The following CNOT9 variants were observed in gnomAD, a reference collection of about 807,000 sequenced individuals.
CNOT9 encodes the protein RCD1 required for cell differentiation1 homolog.
In CNOT9, 8 loss-of-function variants were observed where a neutral mutation model predicts 37.4. The ratio of observed to expected loss-of-function variants is 0.21; its 90% CI spans 0.13 to 0.39. The LOEUF (loss-of-function observed/expected upper bound fraction) is 0.39. CNOT9 is among the 10% of genes least tolerant of loss of function. The pLI is 1.00. For synonymous variants in CNOT9, 120 were observed against 137.6 expected (o/e 0.87, Z 0.90); for missense variants, 154 against 365.3 (o/e 0.42, Z 4.71).
At chr2:218,590,826 G>GT (rs1301754414) in intron 5 of CNOT9, among the ~76,000 whole-genome samples, 1 of 146,434 alleles carries the variant, frequency 6.8e-6, no homozygotes, top group South Asian at 2.2e-4. Flanking sequence ...TTGTTGTTTT[G>GT]TTTGTTTGTT....
At chr2:218,581,267 G>C (rs586296) in intron 2 of CNOT9, among the ~76,000 whole-genome samples, 150,248 of 150,584 alleles carry the variant, frequency 1, 74,957 homozygotes, top group Middle Eastern at 1. Context: ...CTCCCGGGTT[G>C]AAGTGGTTCT....
At chr2:218,591,269 CTAATT>C (rs79740704) in intron 5 of CNOT9, among the ~76,000 whole-genome samples, 2 of 152,056 alleles carry the variant, frequency 1.3e-5, no homozygotes, top group Non-Finnish European at 1.5e-5. Context: ...TCGTGATTGT[CTAATT>C]TAAATTAAAC....
At chr2:218,577,904 TC>T (rs1157964803) in intron 1 of CNOT9, among the ~76,000 whole-genome samples, 1 of 152,220 alleles carries the variant, frequency 6.6e-6, no homozygotes, top group Non-Finnish European at 1.5e-5. Flanking sequence ...TGTGGGGTCA[TC>T]CAAGAGACTG....
chr2:218,572,496 G>A (rs779370690), intron 1 of CNOT9: 7 of 157,630 alleles, frequency 4.4e-5, no homozygotes, highest in Non-Finnish European at 8.2e-5. Context: ...ACTTGAGGCC[G>A]GGAGTTCAAG....
At position 218,596,717 on chromosome 2, in the gene CNOT9, T is replaced by C. The variant is rs548906766; in HGVS notation, c.*2441T>C. ...TGGGACAGAACTTCACTCCTGGCCA[T>C]ATTGGCCAGAACTTAGTGCCAGTGT... is the stretch of plus-strand genomic sequence containing the variant. On this transcript the variant is annotated 3_prime_UTR_variant, in exon 8 of 8. Coordinates refer to ENST00000273064, the MANE Select transcript of CNOT9 (RefSeq NM_005444.3). 1.3e-5 allele frequency: 2 copies of C among 152,342 alleles called. No homozygotes were observed. The highest frequency in any genetic ancestry group is 3.9e-4 in the East Asian group (2 of 5,188). 9.4% of individuals were successfully genotyped at this position (152,342 alleles called of 1,614,324 possible).
chr2:218,569,528 G>A (rs1306703970), intron 1 of CNOT9, among the ~76,000 whole-genome samples: 1 of 152,186 alleles, frequency 6.6e-6, no homozygotes, highest in Admixed American at 6.5e-5. Flanking sequence ...TAACAAAAAA[G>A]AAAGATAGTG....
intron 1 of CNOT9, 125 bp from the exon 2 acceptor site, chr2:218,580,436 T>C: frequency 1.4e-6 from 1 of 698,668 alleles, no homozygotes; most frequent in Non-Finnish European, 2.3e-6. Context: ...TGACATCAAA[T>C]GTATGTATTT....
intron 4 of CNOT9, among the ~76,000 whole-genome samples, chr2:218,585,844 G>C (rs1694576884): frequency 6.6e-6 from 1 of 151,644 alleles, no homozygotes; most frequent in East Asian, 1.9e-4. Context: ...CTCACTTTTT[G>C]TTGCCCAGGC....
At position 218,596,330 on chromosome 2, in the gene CNOT9, G is replaced by C. The variant is rs1332381182; in HGVS notation, c.*2054G>C. The C allele has an allele frequency of 6.6e-6, 1 of 152,072 alleles. No homozygotes were observed. Among genetic ancestry groups the C allele is most frequent in the Non-Finnish European group, 1.5e-5 (1 of 68,018 alleles). The allele number at this position is 152,072 out of a possible 1,614,324, so 9.4% of individuals were successfully genotyped here. A position where few individuals can be genotyped will look rare whatever the true frequency, so the allele number is the denominator to read the frequency against. On this transcript the variant is annotated 3_prime_UTR_variant, in exon 8 of 8. Transcript: ENST00000273064. ...GTATTATTCATTGTAGTTGATCCTGGTGTGTGTATTATATAAAGAGACCCC... is the reference window on the plus strand; with the variant it reads ...GTATTATTCATTGTAGTTGATCCTGCTGTGTGTATTATATAAAGAGACCCC...
Position 218,580,600 on chromosome 2 carries a change from A to G in CNOT9, c.64A>G (p.Ile22Val). 1 of 1,613,894 alleles carries G rather than the reference A, an allele frequency of 6.2e-7. No homozygotes were observed. The highest frequency in any genetic ancestry group is 8.5e-7 in the Non-Finnish European group (1 of 1,179,820). The change falls in exon 2 of 8, where the codon ATC (isoleucine) becomes GTC (valine). Residue 22 changes from isoleucine to valine, a missense_variant. Transcript: ENST00000273064. The stretch of plus-strand genomic sequence containing the variant: ...ACTGGCACAAGTGGATAGAGAAAAG[A>G]TCTATCAGTGGATCAATGAGCTGTC... The part of the protein sequence containing the change: ...TTLAQVDREK[I>V]YQWINELSSP...
chr2:218,590,663 C>G (rs1187883280), intron 5 of CNOT9, among the ~76,000 whole-genome samples: 1 of 152,124 alleles, frequency 6.6e-6, no homozygotes, highest in East Asian at 1.9e-4. Flanking sequence ...TTTCTAGCTT[C>G]TAGAACTGCA....
At chr2:218,579,465 TAGTG>T (rs1383890824) in intron 1 of CNOT9, among the ~76,000 whole-genome samples, 8 of 152,164 alleles carry the variant, frequency 5.3e-5, no homozygotes, top group African/African-American at 1.9e-4. Context: ...ACCAGTCTCT[TAGTG>T]AGAGATACTT....
chr2:218,576,396 T>G (rs1463206466), intron 1 of CNOT9, among the ~76,000 whole-genome samples: 1 of 152,222 alleles, frequency 6.6e-6, no homozygotes, highest in Non-Finnish European at 1.5e-5. Flanking sequence ...ATGTGTGTGT[T>G]GGTGGTTCTC....
rs200077562 is a variant in CNOT9 at position 218,585,084 on chromosome 2, C to CTTCTT, written c.430+380_430+384dup. Among the ~76,000 whole-genome samples the CTTCTT allele has an allele frequency of 3.9e-4, 60 of 151,924 alleles. 1 individual carries two copies. The highest frequency in any genetic ancestry group is 2.9e-3 in the South Asian group (14 of 4,792). ...CCTCTTCCCTTCTCTCTTCTCTTCTCTTCTTTTCTTTTCTTTTCTTTCTGA... is the reference window on the plus strand; with the variant it reads ...CCTCTTCCCTTCTCTCTTCTCTTCTCTTCTTTTCTTTTCTTTTCTTTTCTTTCTGA... On this transcript the variant is annotated intron_variant, in intron 4 of 7. Transcript: ENST00000273064.
At chr2:218,586,268 T>C (rs1195689792) in intron 4 of CNOT9, among the ~76,000 whole-genome samples, 1 of 152,154 alleles carries the variant, frequency 6.6e-6, no homozygotes, top group African/African-American at 2.4e-5. Context: ...CCCCCTCATG[T>C]CATGGTATTT....
rs201648255 is a variant in CNOT9, at chr2:218,580,586, T to G, written c.50T>G (p.Val17Gly). The G allele has an allele frequency of 3.1e-6, 5 of 1,613,582 alleles. No homozygotes were observed. The highest frequency in any genetic ancestry group is 4.2e-6 in the Non-Finnish European group (5 of 1,179,678). ...CCTGTGCCTACTACACTGGCACAAG[T>G]GGATAGAGAAAAGATCTATCAGTGG... ...AAPVPTTLAQ[V>G]DREKIYQWIN... Residue 17 changes from valine to glycine, a missense_variant, in exon 2 of 8, where the codon GTG becomes GGG. Physicochemically the swap from Val to Gly is moderately radical, Grantham distance 109. This residue lies in a region of CNOT9 where 37 missense variants were observed against 39.9 expected (regional missense o/e 0.93). Coordinates refer to ENST00000273064, the MANE Select transcript of CNOT9 (RefSeq NM_005444.3).
chr2:218,589,311 A>C (rs1407590687), intron 5 of CNOT9: 1 of 152,140 alleles, frequency 6.6e-6, no homozygotes, highest in African/African-American at 2.4e-5. Flanking sequence ...TGTGCTGTCT[A>C]AGTGAGCACT....
intron 5 of CNOT9, among the ~76,000 whole-genome samples, chr2:218,591,806 A>G (rs2106099219): frequency 6.6e-6 from 1 of 152,278 alleles, no homozygotes; most frequent in South Asian, 2.1e-4. Context: ...GAGGAGGCAT[A>G]GCTGAATAAA....
intron 1 of CNOT9, among the ~76,000 whole-genome samples, chr2:218,573,517 A>C (rs1303586780): frequency 6.6e-6 from 1 of 152,204 alleles, no homozygotes; most frequent in Non-Finnish European, 1.5e-5. Context: ...TGGCAGGAAA[A>C]TAAACAGCTA....
Sources: allele counts gnomAD v4.1 joint callset (sites outside exome capture counted in the v4.1 genomes callset), GRCh38; gene constraint gnomAD v4.1.1; regional missense constraint gnomAD v4.1.1; transcripts MANE v1.5; gene names NCBI Gene and HGNC (gene_info 2026-07-23, HGNC 2026-07-21).